PCDH15: variants seen among roughly 807,000 people sequenced by gnomAD.
PCDH15 encodes the protein protocadherin related 15, also known as protocadherin-15.
In PCDH15, 129 loss-of-function variants were observed where a neutral mutation model predicts 178.5. The ratio of observed to expected loss-of-function variants is 0.72; its 90% confidence interval spans 0.63 to 0.84. PCDH15 has a LOEUF of 0.84. Among genes scored for constraint, PCDH15 ranks in the 40% least tolerant of loss-of-function variants. The probability of loss-of-function intolerance (pLI) is 0.00; values close to 1 mark genes in which losing one functional copy is unlikely to be tolerated. For missense variants in PCDH15, 2,230 were observed against 2,099.9 expected (o/e 1.06, Z -1.21); for synonymous variants, 800 against 732.0 (o/e 1.09, Z -1.50).
chr10:54,356,735 A>G (rs927514093), intron 5 of PCDH15, among the ~76,000 whole-genome samples: 1 of 152,082 alleles, frequency 6.6e-6, no homozygotes, highest in South Asian at 2.1e-4. Flanking sequence ...CTGAAGAAAC[A>G]TGGTAAATAA....
intron 2 of PCDH15, among the ~76,000 whole-genome samples, chr10:54,659,510 TG>T (rs1453609326): frequency 6.6e-6 from 1 of 152,110 alleles, no homozygotes; most frequent in Non-Finnish European, 1.5e-5. Flanking sequence ...CCTAGCAGTT[TG>T]GGAGGCTGAG....
intron 2 of PCDH15, among the ~76,000 whole-genome samples, chr10:54,951,216 T>A (rs1190960906): frequency 2.0e-5 from 3 of 151,892 alleles, no homozygotes; most frequent in Admixed American, 6.6e-5. Context: ...TGTGTTCCTA[T>A]TCATTCCTCC....
intron 1 of PCDH15, among the ~76,000 whole-genome samples, chr10:54,764,998 C>G (rs1948336810): frequency 6.6e-6 from 1 of 151,990 alleles, no homozygotes; most frequent in Non-Finnish European, 1.5e-5. Context: ...AGCATAAACT[C>G]AAATTATAAA....
chr10:55,538,594 CT>C lies in PCDH15; in HGVS notation c.-156+89030del, dbSNP rs1564442134. ...CCTTCCTCCTTTCCTTCCTTCCTTCCTTCCTTCCTTTCCTTCCTTCCTTCCT... is the reference window on the plus strand; with the variant it reads ...CCTTCCTCCTTTCCTTCCTTCCTTCCTCCTTCCTTTCCTTCCTTCCTTCCT... On this transcript the variant is annotated intron_variant, in intron 2 of 5. Coordinates refer to the PCDH15 transcript ENST00000613346. 3.5e-4 allele frequency among the ~76,000 whole-genome samples: 28 copies of C among 79,104 alleles called. 1 individual carries two copies. In the East Asian group the frequency reaches 4.7e-3, roughly 13 times the overall value. The allele number at this position is 79,104 out of a possible 152,430, so 51.9% of individuals were successfully genotyped here.
chr10:54,720,239 G>T (rs1941357711), intron 1 of PCDH15, among the ~76,000 whole-genome samples: 1 of 151,974 alleles, frequency 6.6e-6, no homozygotes, highest in Non-Finnish European at 1.5e-5. Context: ...AAAGATACAT[G>T]CACAAGCATG....
At chr10:55,248,008 A>G (rs1841729449) in intron 1 of PCDH15, 1 of 146,038 alleles carries the variant, frequency 6.8e-6, no homozygotes, top group African/African-American at 2.5e-5. Flanking sequence ...TAGTGTCACT[A>G]CAGAAACTCA....
At chr10:54,363,103 A>G (rs1209926784) in intron 5 of PCDH15, among the ~76,000 whole-genome samples, 3 of 152,162 alleles carry the variant, frequency 2.0e-5, no homozygotes, top group Non-Finnish European at 1.5e-5. Context: ...TAATTTAATG[A>G]TAAACCTACT....
chr10:54,186,228 A>G (rs2048463914), intron 11 of PCDH15, among the ~76,000 whole-genome samples: 1 of 152,038 alleles, frequency 6.6e-6, no homozygotes, highest in Admixed American at 6.6e-5. Flanking sequence ...AGATTATACT[A>G]TCTTTTAAAG....
At chr10:55,203,676 TTAAA>T (rs1244131772) in intron 1 of PCDH15, among the ~76,000 whole-genome samples, 3 of 152,058 alleles carry the variant, frequency 2.0e-5, no homozygotes, top group Admixed American at 6.6e-5. Flanking sequence ...ATCTTTCTCA[TTAAA>T]TAGAGATAAA....
chr10:54,426,087 C>T (rs1565243645), intron 3 of PCDH15, among the ~76,000 whole-genome samples: 3 of 152,250 alleles, frequency 2.0e-5, no homozygotes, highest in East Asian at 1.9e-4. Context: ...TAATGATTTC[C>T]TATTTACTAT....
rs921269063 is a variant in PCDH15, at chr10:55,334,385, G to A, written c.-155-167734C>T. Among the ~76,000 whole-genome samples the A allele has an allele frequency of 3.4e-5, 5 of 148,306 alleles. No homozygotes were observed. The East Asian group carries it at 5.9e-4, about 18-fold the overall frequency. On this transcript the variant is annotated intron_variant, in intron 2 of 5. Transcript: ENST00000613346. Reference sequence around the variant, plus strand: ...TGCAATGGCGTGATCTCGGCTCACCGCAACCTCTGTCTCCCGGGTTCAAGC... The same window carrying A: ...TGCAATGGCGTGATCTCGGCTCACCACAACCTCTGTCTCCCGGGTTCAAGC...
intron 3 of PCDH15, among the ~76,000 whole-genome samples, chr10:54,439,466 G>A (rs1280957456): frequency 2.0e-5 from 3 of 152,002 alleles, no homozygotes; most frequent in African/African-American, 4.8e-5. Context: ...TTTCTTATGT[G>A]TGCTCTGGTA....
rs1479882251 is a variant in PCDH15 at position 53,805,865 on chromosome 10, A to AAAG, written c.*711_*713dup. On this transcript the variant is annotated 3_prime_UTR_variant, in exon 38 of 38. Coordinates refer to ENST00000644397, the MANE Select transcript of PCDH15 (RefSeq NM_001384140.1). ...TAACCTCAAGTGATTAAACTAAACT[A>AAAG]AAGTATCTACCATATTTGATATGAG... 28 of 152,102 alleles carry AAAG rather than the reference A, an allele frequency of 1.8e-4. No homozygotes were observed. Among genetic ancestry groups the AAAG allele is most frequent in the African/African-American group, 5.8e-4 (24 of 41,412 alleles). 9.4% of individuals were successfully genotyped at this position (152,102 alleles called of 1,614,324 possible).
rs144659250 is a variant in PCDH15 at position 54,469,258 on chromosome 10, G to A, written c.157+58554C>T. On this transcript the variant is annotated intron_variant, in intron 3 of 37. Coordinates refer to ENST00000644397, the MANE Select transcript of PCDH15 (RefSeq NM_001384140.1). ...ACTACAGGCACGCACCACCACATCC[G>A]GCTAATTTTTGTATTTTTGATTGAG... Among the ~76,000 whole-genome samples, 122 of 152,002 alleles carry A rather than the reference G, an allele frequency of 8.0e-4. No individual in the cohort carries two copies. In the East Asian group the frequency reaches 0.012, roughly 15 times the overall value.
At chr10:54,269,595 C>T (rs183838880) in intron 8 of PCDH15, among the ~76,000 whole-genome samples, 98 of 151,970 alleles carry the variant, frequency 6.4e-4, no homozygotes, top group Middle Eastern at 3.4e-3. Context: ...TGCAGGTATA[C>T]TCTCAGGTGT....
chr10:53,895,789 C>T (rs1213803935), intron 26 of PCDH15, among the ~76,000 whole-genome samples: 2 of 152,182 alleles, frequency 1.3e-5, no homozygotes, highest in African/African-American at 4.8e-5. Context: ...CAGTTCATCT[C>T]AAGTTGAAAA....
chr10:54,512,910 A>C (rs1037067170), intron 3 of PCDH15, among the ~76,000 whole-genome samples: 1 of 152,120 alleles, frequency 6.6e-6, no homozygotes. Context: ...AAAGTTAAAA[A>C]CTAAAGCGAG....
At chr10:54,653,899 C>T (rs555857279) in intron 2 of PCDH15, among the ~76,000 whole-genome samples, 1 of 152,280 alleles carries the variant, frequency 6.6e-6, no homozygotes, top group South Asian at 2.1e-4. Flanking sequence ...TTTTGGGGTA[C>T]AATGTGATGT....
At chr10:54,820,786 A>G (rs918666298) in intron 3 of PCDH15, among the ~76,000 whole-genome samples, 1 of 152,010 alleles carries the variant, frequency 6.6e-6, no homozygotes, top group African/African-American at 2.4e-5. Flanking sequence ...AAAGCCACAT[A>G]TTATCAAGTA....
Sources: gnomAD v4.1 joint callset for allele counts (sites outside exome capture counted in the v4.1 genomes callset) on GRCh38, gnomAD v4.1.1 for gene constraint, MANE v1.5 for transcripts, NCBI Gene and HGNC (gene_info 2026-07-23, HGNC 2026-07-21) for gene names.